The following RUNX2 variants were observed in gnomAD, a reference collection of about 807,000 sequenced individuals.
RUNX2 encodes RUNX family transcription factor 2, also known as runt-related transcription factor 2.
In RUNX2, 10 loss-of-function variants were observed where a neutral mutation model predicts 51.7. That is an observed-to-expected ratio of 0.19 (90% CI 0.12 to 0.33). The LOEUF (loss-of-function observed/expected upper bound fraction) is 0.33. RUNX2 is among the 10% of genes least tolerant of loss of function. The pLI is 1.00. For missense variants in RUNX2, 562 were observed against 691.3 expected, an observed-to-expected ratio of 0.81 and a Z score of 2.10; for synonymous variants, 276 against 273.6, an observed-to-expected ratio of 1.01 and a Z score of -0.09.
chr6:45,546,767 T>C, intron 8 of RUNX2, 60 bp from the exon 9 acceptor site: 1 of 1,369,376 alleles, frequency 7.3e-7, no homozygotes. Flanking sequence ...GTAACAATTC[T>C]ATCATTATTT....
chr6:45,489,067 A>ATGTACTTTGTTCTTCAG (rs1800374439), intron 5 of RUNX2, among the ~76,000 whole-genome samples: 1 of 152,162 alleles, frequency 6.6e-6, no homozygotes, highest in South Asian at 2.1e-4. Context: ...TTGCTCTTCA[A>ATGTACTTTGTTCTTCAG]TGTACTTTGT....
intron 2 of RUNX2, among the ~76,000 whole-genome samples, chr6:45,352,363 G>A (rs1271968856): frequency 6.6e-6 from 1 of 152,012 alleles, no homozygotes; most frequent in Non-Finnish European, 1.5e-5. Context: ...AGTGTATCAA[G>A]TTTTCCTAGT....
chr6:45,535,121 CA>C (rs1188032979), intron 7 of RUNX2, among the ~76,000 whole-genome samples: 1 of 152,000 alleles, frequency 6.6e-6, no homozygotes, highest in Non-Finnish European at 1.5e-5. Context: ...GGGAGAGGAT[CA>C]GGATAAATAA....
chr6:45,359,705 G>A (rs1581888442), intron 2 of RUNX2, among the ~76,000 whole-genome samples: 1 of 152,056 alleles, frequency 6.6e-6, no homozygotes, highest in Non-Finnish European at 1.5e-5. Context: ...TGCTGAAAAA[G>A]ATCTGTTGTT....
chr6:45,506,435 G>GTA (rs1270596759), intron 6 of RUNX2, among the ~76,000 whole-genome samples: 1 of 152,118 alleles, frequency 6.6e-6, no homozygotes, highest in Non-Finnish European at 1.5e-5. Context: ...TTAGTGATAC[G>GTA]TAGTGCCTCA....
chr6:45,328,848 T>C, intron 2 of RUNX2, 64 bp downstream of exon 2: 1 of 1,496,434 alleles, frequency 6.7e-7, no homozygotes, highest in South Asian at 1.1e-5. Context: ...GGTATGATTC[T>C]TTGATAAACT....
At chr6:45,412,172 T>G (rs1003970412) in intron 2 of RUNX2, among the ~76,000 whole-genome samples, 1 of 123,598 alleles carries the variant, frequency 8.1e-6, no homozygotes, top group African/African-American at 3.2e-5. Flanking sequence ...ACATGCCCAG[T>G]ATCTATAAAA....
At chr6:45,499,857 T>C (rs1448423644) in intron 6 of RUNX2, among the ~76,000 whole-genome samples, 1 of 152,238 alleles carries the variant, frequency 6.6e-6, no homozygotes, top group East Asian at 1.9e-4. Flanking sequence ...GATTTTGTTC[T>C]CCTATTCTTT....
intron 7 of RUNX2, among the ~76,000 whole-genome samples, chr6:45,539,077 T>A (rs1802136967): frequency 6.6e-6 from 1 of 152,202 alleles, no homozygotes; most frequent in Non-Finnish European, 1.5e-5. Flanking sequence ...TCTCCCTCCC[T>A]GTATGCATAC....
At chr6:45,495,531 A>G (rs191550187) in intron 6 of RUNX2, among the ~76,000 whole-genome samples, 5 of 152,196 alleles carry the variant, frequency 3.3e-5, no homozygotes, top group African/African-American at 1.2e-4. Context: ...CTTCTTTGCA[A>G]TATGCCATAT....
At chr6:45,412,102 C>T (rs111760536) in intron 2 of RUNX2, among the ~76,000 whole-genome samples, 2,106 of 149,726 alleles carry the variant, frequency 0.014, 43 homozygotes, top group South Asian at 0.025. Flanking sequence ...AATCCCAGCA[C>T]TTTGAGAGGC....
At chr6:45,495,898 T>C (rs1800629983) in intron 6 of RUNX2, among the ~76,000 whole-genome samples, 3 of 152,220 alleles carry the variant, frequency 2.0e-5, no homozygotes, top group African/African-American at 7.2e-5. Flanking sequence ...ATAACTTCAG[T>C]CTGATTCTGT....
At chr6:45,332,642 A>C (rs1395790006) in intron 2 of RUNX2, among the ~76,000 whole-genome samples, 1 of 151,778 alleles carries the variant, frequency 6.6e-6, no homozygotes, top group Non-Finnish European at 1.5e-5. Context: ...ACCTAACAAA[A>C]ATCTTTAGAC....
At chr6:45,533,294 G>C (rs1801921265) in intron 7 of RUNX2, among the ~76,000 whole-genome samples, 1 of 152,138 alleles carries the variant, frequency 6.6e-6, no homozygotes, top group South Asian at 2.1e-4. Flanking sequence ...GAAGGCTTTT[G>C]CCAAATGCTT....
At chr6:45,336,844 T>C (rs1004391576) in intron 2 of RUNX2, among the ~76,000 whole-genome samples, 3 of 151,578 alleles carry the variant, frequency 2.0e-5, no homozygotes, top group Non-Finnish European at 3.0e-5. Flanking sequence ...TTCATTCAAA[T>C]ACATGGTCAA....
chr6:45,439,689 GTGTGTGTATGTT>G (rs1321083595), intron 5 of RUNX2, among the ~76,000 whole-genome samples: 3 of 152,030 alleles, frequency 2.0e-5, no homozygotes, highest in Non-Finnish European at 4.4e-5. Flanking sequence ...GTGTGTATGT[GTGTGTGTATGTT>G]TGTGTGTGTA....
chr6:45,483,673 G>C (rs1800178655), intron 5 of RUNX2, among the ~76,000 whole-genome samples: 1 of 152,200 alleles, frequency 6.6e-6, no homozygotes, highest in African/African-American at 2.4e-5. Flanking sequence ...GCTGCTGTCA[G>C]CTTGCTGGGA....
chr6:45,459,015 T>G (rs1799399208), intron 5 of RUNX2, among the ~76,000 whole-genome samples: 1 of 152,224 alleles, frequency 6.6e-6, no homozygotes, highest in South Asian at 2.1e-4. Context: ...CTCTCCTGAT[T>G]AATTTCCTTT....
At chr6:45,451,146 C>T (rs1799159764) in intron 5 of RUNX2, among the ~76,000 whole-genome samples, 1 of 152,102 alleles carries the variant, frequency 6.6e-6, no homozygotes, top group South Asian at 2.1e-4. Flanking sequence ...TAGCAGAGGA[C>T]CACAAGACCC....
Sources: allele counts gnomAD v4.1 joint callset (sites outside exome capture counted in the v4.1 genomes callset), GRCh38; gene constraint gnomAD v4.1.1; transcripts MANE v1.5; gene names NCBI Gene and HGNC (gene_info 2026-07-23, HGNC 2026-07-21).